Variants in ZNF804B observed in about 807,000 individuals in gnomAD.
ZNF804B encodes the protein zinc finger protein 804B, also known as zinc finger 804B.
In ZNF804B, 80 loss-of-function variants were observed where a neutral mutation model predicts 101.4. The observed-to-expected ratio is 0.79, with a 90% CI of 0.66 to 0.95. The LOEUF is 0.95. Among genes scored for constraint, ZNF804B ranks in the 40% least tolerant of loss-of-function variants. ZNF804B has a pLI of 0.00. For missense variants in ZNF804B, 1,673 were observed against 1,561.9 expected (o/e 1.07, Z -1.20); for synonymous variants, 622 against 558.8 (o/e 1.11, Z -1.59).
rs544119286 is a variant in ZNF804B, at chr7:89,333,642, A to T, written c.660A>T (p.Ser220=). 5 of 1,613,588 alleles carry T rather than the reference A, an allele frequency of 3.1e-6. No individual in the cohort carries two copies. In the African/African-American group the frequency reaches 5.3e-5, roughly 17 times the overall value. ...ATGCAAATCACAGAACAGGAGTATC[A>T]TTTACTTTTTCCAAAAAAGTGCACC... ...LSNANHRTGV[S]FTFSKKVHLK... The change falls in exon 4 of 4, where the codon TCA becomes TCT. Residue 220 remains serine, a synonymous_variant. Coordinates refer to ENST00000333190, the MANE Select transcript of ZNF804B (RefSeq NM_181646.5).
chr7:88,789,504 A>G (rs1445987984), intron 1 of ZNF804B, among the ~76,000 whole-genome samples: 1 of 152,066 alleles, frequency 6.6e-6, no homozygotes, highest in Non-Finnish European at 1.5e-5. Context: ...AGGTCTCAGA[A>G]TCTTTATCTG....
At chr7:88,883,914 T>C (rs1792080623) in intron 1 of ZNF804B, among the ~76,000 whole-genome samples, 1 of 152,076 alleles carries the variant, frequency 6.6e-6, no homozygotes, top group African/African-American at 2.4e-5. Flanking sequence ...ATATTTATTT[T>C]AGAAGACAAT....
At chr7:89,224,658 A>G (rs1482226196) in intron 2 of ZNF804B, among the ~76,000 whole-genome samples, 1 of 151,610 alleles carries the variant, frequency 6.6e-6, no homozygotes, top group African/African-American at 2.4e-5. Flanking sequence ...ACCATAAAAT[A>G]ATACTCTCTC....
chr7:89,041,563 G>A (rs182535443), intron 1 of ZNF804B, among the ~76,000 whole-genome samples: 1 of 152,298 alleles, frequency 6.6e-6, no homozygotes, highest in East Asian at 1.9e-4. Flanking sequence ...TTAAGGACTG[G>A]CCTGGCACCA....
At chr7:89,246,742 C>T (rs558665368) in intron 2 of ZNF804B, among the ~76,000 whole-genome samples, 1 of 152,224 alleles carries the variant, frequency 6.6e-6, no homozygotes, top group Non-Finnish European at 1.5e-5. Context: ...GATAAGCAGC[C>T]TGAACTGTCC....
intron 2 of ZNF804B, among the ~76,000 whole-genome samples, chr7:89,288,688 AAAC>A (rs1790241605): frequency 6.6e-6 from 1 of 152,220 alleles, no homozygotes; most frequent in Middle Eastern, 3.2e-3. Context: ...CATTTCAAGA[AAAC>A]AAAAAAATAA....
intron 1 of ZNF804B, among the ~76,000 whole-genome samples, chr7:88,808,125 C>T (rs2115727518): frequency 6.6e-6 from 1 of 152,272 alleles, no homozygotes; most frequent in African/African-American, 2.4e-5. Context: ...GGCACGGTGG[C>T]TCATGCCTGT....
At chr7:89,139,269 G>A (rs1790682327) in intron 1 of ZNF804B, among the ~76,000 whole-genome samples, 1 of 152,112 alleles carries the variant, frequency 6.6e-6, no homozygotes, top group African/African-American at 2.4e-5. Flanking sequence ...CATTCAGTAA[G>A]TCATAATCTT....
intron 1 of ZNF804B, among the ~76,000 whole-genome samples, chr7:89,178,741 G>T (rs1044109606): frequency 6.6e-6 from 1 of 151,928 alleles, no homozygotes; most frequent in Non-Finnish European, 1.5e-5. Flanking sequence ...ATTTTTCTTT[G>T]TGCTTACTAT....
intron 1 of ZNF804B, among the ~76,000 whole-genome samples, chr7:89,067,749 C>G (rs1583967223): frequency 6.6e-6 from 1 of 151,958 alleles, no homozygotes; most frequent in African/African-American, 2.4e-5. Context: ...AGCCTGAGTT[C>G]AAAGCCAGGT....
intron 1 of ZNF804B, among the ~76,000 whole-genome samples, chr7:88,844,690 T>A (rs778371624): frequency 3.0e-4 from 46 of 152,206 alleles, no homozygotes; most frequent in Non-Finnish European, 5.9e-4. Flanking sequence ...TCCTTCATGG[T>A]AGATTTGTGG....
At chr7:88,940,972 A>G (rs961858539) in intron 1 of ZNF804B, among the ~76,000 whole-genome samples, 1 of 151,840 alleles carries the variant, frequency 6.6e-6, no homozygotes, top group Non-Finnish European at 1.5e-5. Flanking sequence ...AAATGAACAG[A>G]CATCTCACCA....
intron 1 of ZNF804B, among the ~76,000 whole-genome samples, chr7:88,778,053 A>T (rs927222753): frequency 6.6e-6 from 1 of 152,130 alleles, no homozygotes; most frequent in African/African-American, 2.4e-5. Flanking sequence ...AAAAAATAAC[A>T]TAAGTTTATT....
chr7:88,874,647 C>T (rs1791895367), intron 1 of ZNF804B, among the ~76,000 whole-genome samples: 1 of 152,010 alleles, frequency 6.6e-6, no homozygotes, highest in Non-Finnish European at 1.5e-5. Flanking sequence ...TACGTCCCAT[C>T]AATACCTAAT....
chr7:88,765,908 G>T (rs1789976326), intron 1 of ZNF804B, among the ~76,000 whole-genome samples: 1 of 151,244 alleles, frequency 6.6e-6, no homozygotes, highest in South Asian at 2.1e-4. Context: ...ACTAAACTTG[G>T]AAGGAAATTC....
Position 89,325,193 on chromosome 7 carries a change from T to A in ZNF804B, c.250-2151T>A, listed in dbSNP as rs377224845. Among the ~76,000 whole-genome samples, 18 of 152,050 alleles carry A rather than the reference T, an allele frequency of 1.2e-4. No homozygotes were observed. The East Asian group carries it at 1.9e-3, about 16-fold the overall frequency. ...GAAAACTTGCAGCAGATCTCTGGGTTTTTTTTTCTCTACTTAAACTTGAGC... is the reference window on the plus strand; with the variant it reads ...GAAAACTTGCAGCAGATCTCTGGGTATTTTTTTCTCTACTTAAACTTGAGC... On this transcript the variant is annotated intron_variant, in intron 2 of 3. Coordinates refer to ENST00000333190, the MANE Select transcript of ZNF804B (RefSeq NM_181646.5).
intron 1 of ZNF804B, among the ~76,000 whole-genome samples, chr7:88,956,773 T>C (rs1220205461): frequency 6.6e-6 from 1 of 151,444 alleles, no homozygotes; most frequent in African/African-American, 2.4e-5. Context: ...TCTCATACTG[T>C]GAAAATCATA....
At chr7:89,209,526 C>A (rs1468718595) in intron 1 of ZNF804B, among the ~76,000 whole-genome samples, 1 of 152,166 alleles carries the variant, frequency 6.6e-6, no homozygotes, top group Non-Finnish European at 1.5e-5. Flanking sequence ...TGTGCAATTG[C>A]CACTCTCCAT....
chr7:89,090,253 G>T (rs983905262), intron 1 of ZNF804B, among the ~76,000 whole-genome samples: 2 of 151,874 alleles, frequency 1.3e-5, no homozygotes, highest in Non-Finnish European at 2.9e-5. Context: ...TTATTGCTAC[G>T]TCTTTACCTC....
Sources: gnomAD v4.1 joint callset for allele counts (sites outside exome capture counted in the v4.1 genomes callset) on GRCh38, gnomAD v4.1.1 for gene constraint, MANE v1.5 for transcripts, NCBI Gene and HGNC (gene_info 2026-07-23, HGNC 2026-07-21) for gene names.